GRIK2: variants seen among roughly 807,000 people sequenced by gnomAD.
GRIK2 encodes the protein glutamate receptor ionotropic, kainate 2.
GRIK2 carries 32 observed loss-of-function variants against 100.3 expected under a neutral mutation model. The observed-to-expected ratio is 0.32, with a 90% confidence interval of 0.24 to 0.43. The LOEUF (loss-of-function observed/expected upper bound fraction) is 0.43. GRIK2 is among the 20% of genes least tolerant of loss of function. The pLI, the probability that GRIK2 is intolerant of heterozygous loss-of-function variation, is 1.00. For missense variants in GRIK2, 843 were observed against 1,114.9 expected, an observed-to-expected ratio of 0.76 and a Z score of 3.47; for synonymous variants, 417 against 389.4, an observed-to-expected ratio of 1.07 and a Z score of -0.83.
At chr6:101,425,448 TG>T (rs1269707604) in intron 2 of GRIK2, among the ~76,000 whole-genome samples, 1 of 152,162 alleles carries the variant, frequency 6.6e-6, no homozygotes, top group Non-Finnish European at 1.5e-5. Flanking sequence ...CATGGAAAAT[TG>T]AGAGAGTAAG....
intron 9 of GRIK2, among the ~76,000 whole-genome samples, chr6:101,817,587 T>C (rs1232167916): frequency 6.6e-6 from 1 of 152,230 alleles, no homozygotes; most frequent in Non-Finnish European, 1.5e-5. Flanking sequence ...ATAAACCATC[T>C]AATGAATGCA....
chr6:102,053,965 T>C (rs756289738), intron 15 of GRIK2, among the ~76,000 whole-genome samples: 2 of 152,176 alleles, frequency 1.3e-5, no homozygotes, highest in Non-Finnish European at 2.9e-5. Context: ...ATTAGTATTT[T>C]AAGAAGAGCA....
At chr6:101,432,647 T>G (rs1188141878) in intron 2 of GRIK2, among the ~76,000 whole-genome samples, 1 of 152,164 alleles carries the variant, frequency 6.6e-6, no homozygotes, top group African/African-American at 2.4e-5. Flanking sequence ...GAAGAAAAAT[T>G]CATTTTAATC....
chr6:101,893,342 G>C (rs1787229375), intron 12 of GRIK2, among the ~76,000 whole-genome samples: 1 of 151,276 alleles, frequency 6.6e-6, no homozygotes, highest in Non-Finnish European at 1.5e-5. Flanking sequence ...CAGAAACAAA[G>C]GCATAAAATA....
intron 2 of GRIK2, among the ~76,000 whole-genome samples, chr6:101,473,062 T>C (rs77754715): frequency 5.3e-5 from 8 of 151,560 alleles, no homozygotes; most frequent in Non-Finnish European, 1.0e-4. Flanking sequence ...ACACCTCTAA[T>C]AGAGGTTCAG....
intron 2 of GRIK2, among the ~76,000 whole-genome samples, chr6:101,511,262 G>C (rs984681524): frequency 1.3e-5 from 2 of 152,166 alleles, no homozygotes; most frequent in Non-Finnish European, 2.9e-5. Flanking sequence ...GGAAAGTACT[G>C]GATAAGATTT....
At chr6:101,673,702 T>C (rs1582935850) in intron 4 of GRIK2, among the ~76,000 whole-genome samples, 1 of 152,178 alleles carries the variant, frequency 6.6e-6, no homozygotes, top group African/African-American at 2.4e-5. Flanking sequence ...CCACTCTGAG[T>C]TAGATTATCC....
intron 10 of GRIK2, among the ~76,000 whole-genome samples, chr6:101,842,739 C>T (rs1241112275): frequency 6.6e-6 from 1 of 152,162 alleles, no homozygotes; most frequent in Non-Finnish European, 1.5e-5. Flanking sequence ...TCTCATTGCA[C>T]AAGATCTTTT....
chr6:101,880,572 T>G (rs1351153867), intron 11 of GRIK2, among the ~76,000 whole-genome samples: 1 of 152,022 alleles, frequency 6.6e-6, no homozygotes, highest in Admixed American at 6.6e-5. Flanking sequence ...AAATAGAAAT[T>G]TACTGTATTT....
chr6:101,636,353 G>T (rs1384059937), intron 4 of GRIK2, among the ~76,000 whole-genome samples: 1 of 152,044 alleles, frequency 6.6e-6, no homozygotes, highest in Admixed American at 6.6e-5. Flanking sequence ...CCTGTCAGGG[G>T]GTGAGGGAGT....
chr6:101,450,331 T>C (rs1770605838), intron 2 of GRIK2, among the ~76,000 whole-genome samples: 1 of 151,658 alleles, frequency 6.6e-6, no homozygotes, highest in Admixed American at 6.6e-5. Flanking sequence ...CCACAGTAAG[T>C]TGAGGAGTGA....
intron 2 of GRIK2, among the ~76,000 whole-genome samples, chr6:101,437,866 T>A (rs1055064017): frequency 6.6e-6 from 1 of 152,078 alleles, no homozygotes; most frequent in South Asian, 2.1e-4. Flanking sequence ...CCAAGATCAC[T>A]CCTCACTCCA....
chr6:101,754,225 T>G (rs1309760489), intron 7 of GRIK2, among the ~76,000 whole-genome samples: 3 of 152,190 alleles, frequency 2.0e-5, no homozygotes, highest in African/African-American at 7.2e-5. Flanking sequence ...ATTCATATGA[T>G]GTAATTAGCT....
At chr6:101,456,748 A>G (rs1240629178) in intron 2 of GRIK2, among the ~76,000 whole-genome samples, 1 of 151,870 alleles carries the variant, frequency 6.6e-6, no homozygotes, top group Non-Finnish European at 1.5e-5. Context: ...CCTATTTTAT[A>G]CATCTTGGAT....
intron 2 of GRIK2, among the ~76,000 whole-genome samples, chr6:101,427,363 C>T (rs947559297): frequency 6.6e-6 from 1 of 152,120 alleles, no homozygotes; most frequent in Admixed American, 6.6e-5. Flanking sequence ...CTAAATAATC[C>T]TGTTTTGGAA....
At chr6:101,984,568 A>G (rs1793905496) in intron 14 of GRIK2, among the ~76,000 whole-genome samples, 1 of 150,846 alleles carries the variant, frequency 6.6e-6, no homozygotes, top group African/African-American at 2.4e-5. Context: ...TTACTCTAGT[A>G]GAATCAGATA....
chr6:101,774,314 G>T (rs1412275346), intron 7 of GRIK2, among the ~76,000 whole-genome samples: 2 of 152,116 alleles, frequency 1.3e-5, no homozygotes, highest in Non-Finnish European at 2.9e-5. Context: ...TTAAATGCAA[G>T]TACCTAATCT....
intron 2 of GRIK2, among the ~76,000 whole-genome samples, chr6:101,501,910 A>G (rs963944971): frequency 3.3e-5 from 5 of 152,064 alleles, no homozygotes; most frequent in Non-Finnish European, 7.4e-5. Flanking sequence ...GATGTGTGCC[A>G]CCATGCCCTG....
intron 12 of GRIK2, among the ~76,000 whole-genome samples, chr6:101,909,265 A>T (rs1034833558): frequency 1.3e-5 from 2 of 150,814 alleles, no homozygotes; most frequent in African/African-American, 4.8e-5. Context: ...TATTGTTATA[A>T]TGTCCTATAA....
Sources: gnomAD v4.1 joint callset for allele counts (sites outside exome capture counted in the v4.1 genomes callset) on GRCh38, gnomAD v4.1.1 for gene constraint, MANE v1.5 for transcripts, NCBI Gene and HGNC (gene_info 2026-07-23, HGNC 2026-07-21) for gene names.